Variants in COL6A1 observed in about 807,000 individuals in gnomAD.
COL6A1 encodes collagen type VI alpha 1 chain.
In COL6A1, 80 loss-of-function variants were observed where a neutral mutation model predicts 145.6. The ratio of observed to expected loss-of-function variants is 0.55; its 90% CI spans 0.46 to 0.66. The LOEUF (loss-of-function observed/expected upper bound fraction) is 0.66, where lower values mean the gene tolerates loss of function less well. Ranked by LOEUF, COL6A1 falls within the 30% of genes least tolerant of loss-of-function variation. COL6A1 has a pLI of 0.00. For missense variants in COL6A1, 1,364 were observed against 1,473.8 expected (o/e 0.93, Z 1.22); for synonymous variants, 638 against 622.8 (o/e 1.02, Z -0.36).
intron 13 of COL6A1, 92 bp from the exon 14 acceptor site, chr21:45,990,681 T>C (rs2077771572): frequency 1.2e-5 from 14 of 1,154,480 alleles, no homozygotes; most frequent in Non-Finnish European, 1.7e-5. Flanking sequence ...AGGGAGGGTG[T>C]GGAGGGCATG....
intron 8 of COL6A1, 133 bp from the exon 9 acceptor site, chr21:45,988,951 G>A (rs1015817502): frequency 3.9e-6 from 4 of 1,022,492 alleles, no homozygotes; most frequent in Middle Eastern, 2.3e-4. Context: ...CTGACCAGAT[G>A]TGATGGGGAA....
Position 45,998,016 on chromosome 21 carries a change from G to A in COL6A1, c.1525-105G>A. 3 of 1,435,270 alleles carry A rather than the reference G, an allele frequency of 2.1e-6. No homozygotes were observed. In the South Asian group the frequency reaches 3.6e-5, roughly 17 times the overall value. The allele number at this position is 1,435,270 out of a possible 1,614,324, so 88.9% of individuals were successfully genotyped here. A position where few individuals can be genotyped will look rare whatever the true frequency, so the allele number is the denominator to read the frequency against. ...CCCAGGGGAGGGAGCCGGCTTCTGGGCTGACGGAGGGGCCCTGCGGGTGAG... is the reference window on the plus strand; with the variant it reads ...CCCAGGGGAGGGAGCCGGCTTCTGGACTGACGGAGGGGCCCTGCGGGTGAG... On this transcript the variant is annotated intron_variant, in intron 22 of 34. Transcript: ENST00000361866.
chr21:45,987,712 G>T, intron 8 of COL6A1, 58 bp downstream of exon 8: 1 of 1,558,430 alleles, frequency 6.4e-7, no homozygotes. Context: ...GGGGGTGGCA[G>T]GACCAAAGCC....
intron 13 of COL6A1, 125 bp downstream of exon 13, chr21:45,990,547 AG>A: frequency 2.4e-6 from 1 of 423,772 alleles, no homozygotes; most frequent in Non-Finnish European, 3.9e-6. Context: ...GAAGGTGACC[AG>A]GGGAAGGACG....
Position 45,994,167 on chromosome 21 carries a change from G to A in COL6A1, c.1336G>A (p.Gly446Ser), listed in dbSNP as rs1414896348. The A allele has an allele frequency of 2.5e-6, 4 of 1,600,184 alleles. No homozygotes were observed. The Admixed American group carries it at 7.0e-5, about 28-fold the overall frequency. The stretch of plus-strand genomic sequence containing the variant: ...ACACTCACGGCTCGTTTCTCTTCAG[G>A]GTGAAGCTGGCCCGCAGGGTGATCA... ...PGTRGPRGDP[G>S]EAGPQGDQGR... is the part of the protein sequence containing the mutation. The change falls in exon 20 of 35, where the codon GGT (glycine) becomes AGT (serine). Residue 446 changes from glycine to serine, a missense_variant and splice_region_variant. Gly to Ser is a moderately conservative substitution (Grantham distance 56). Transcript: ENST00000361866. The surrounding 1 kb of genome is among the most constrained non-coding windows in gnomAD (Gnocchi z 6.8).
chr21:45,984,837 G>C (rs1192630565), intron 3 of COL6A1, among the ~76,000 whole-genome samples: 1 of 151,854 alleles, frequency 6.6e-6, no homozygotes, highest in Admixed American at 6.6e-5. Flanking sequence ...GAGACAGGCA[G>C]ACAGAGACAG....
Position 45,986,496 on chromosome 21 carries a change from C to T in COL6A1, c.429-30C>T, listed in dbSNP as rs190029634. On this transcript the variant is annotated intron_variant, in intron 3 of 34. Coordinates refer to ENST00000361866, the MANE Select transcript of COL6A1 (RefSeq NM_001848.3). ...TCCCTCCAGTTCCCCCACCTAGTCTCGAGGTCTCACGCTGCCCTCTCCTGT... is the reference window on the plus strand; with the variant it reads ...TCCCTCCAGTTCCCCCACCTAGTCTTGAGGTCTCACGCTGCCCTCTCCTGT... 1,659 of 1,550,740 alleles carry T rather than the reference C, an allele frequency of 1.1e-3. 15 individuals carry two copies. In the African/African-American group the frequency reaches 0.019, roughly 18 times the overall value.
chr21:45,986,855 A>G, intron 4 of COL6A1, 89 bp from the exon 5 acceptor site: 2 of 1,529,856 alleles, frequency 1.3e-6, no homozygotes, highest in Non-Finnish European at 1.7e-6. Flanking sequence ...GGAGCGCCCC[A>G]GCCCAGCCTC....
chr21:45,989,659 GC>G lies in COL6A1; in HGVS notation c.903+14del, dbSNP rs757968177. On this transcript the variant is annotated splice_region_variant and intron_variant, in intron 10 of 34. Transcript: ENST00000361866. ...TGGGTACCAGGGAATGAAGGTACGT[GC>G]CCCCCCTTTCCTGGCCCGAGCCCGG... 1.3e-5 allele frequency: 21 copies of G among 1,613,050 alleles called. No homozygotes were observed. The Admixed American group carries it at 1.5e-4, about 12-fold the overall frequency.
Position 46,004,853 on chromosome 21 carries a change from A to C in COL6A1, c.*840A>C, listed in dbSNP as rs1299577041. 1 of 196,498 alleles carries C rather than the reference A, an allele frequency of 5.1e-6. No homozygotes were observed. The highest frequency in any genetic ancestry group is 1.5e-4 in the East Asian group (1 of 6,560). The allele number at this position is 196,498 out of a possible 1,614,324, so 12.2% of individuals were successfully genotyped here. On this transcript the variant is annotated 3_prime_UTR_variant, in exon 35 of 35. Transcript: ENST00000361866. ...GCAGAGACTGGGGCCTGGACTGGAC[A>C]TGAGAGCCCCTTGGTGCCACAGAGG...
At chr21:45,997,237 GCCC>G (rs2077810408) in intron 20 of COL6A1, among the ~76,000 whole-genome samples, 181 bp from the exon 21 acceptor site, 1 of 65,676 alleles carries the variant, frequency 1.5e-5, no homozygotes, top group Non-Finnish European at 3.3e-5. Context: ...TTGTGCCCAG[GCCC>G]TTCGTGCAGG....
intron 3 of COL6A1, among the ~76,000 whole-genome samples, chr21:45,985,955 G>A (rs143188263): frequency 6.6e-6 from 1 of 152,330 alleles, no homozygotes; most frequent in African/African-American, 2.4e-5. Flanking sequence ...AGACAGACAC[G>A]ACTCCCCTAA....
At chr21:46,001,919 TG>T in intron 30 of COL6A1, 41 bp from the exon 31 acceptor site, 1 of 1,563,054 alleles carries the variant, frequency 6.4e-7, no homozygotes, top group East Asian at 2.3e-5. Context: ...TATGCGGACC[TG>T]GGGCAGCACT....
At chr21:46,002,495 C>T in intron 32 of COL6A1, 32 bp from the exon 33 acceptor site, 1 of 1,613,538 alleles carries the variant, frequency 6.2e-7, no homozygotes, top group Non-Finnish European at 8.5e-7. Flanking sequence ...GCAGAGCAGG[C>T]TGCGCCACAC....
rs756542307 is a variant in COL6A1 at position 45,997,776 on chromosome 21, A to C, written c.1524+14A>C. On this transcript the variant is annotated intron_variant, in intron 22 of 34. Coordinates refer to ENST00000361866, the MANE Select transcript of COL6A1 (RefSeq NM_001848.3). ...ATGGGTGAAAGGGTGAGTGTCCAACAGCTCGGGCCCTAGGGCGGAGGCCTG... is the reference window on the plus strand; with the variant it reads ...ATGGGTGAAAGGGTGAGTGTCCAACCGCTCGGGCCCTAGGGCGGAGGCCTG... The C allele has an allele frequency of 6.3e-7, 1 of 1,578,702 alleles. No individual in the cohort carries two copies. Among genetic ancestry groups the C allele is most frequent in the Non-Finnish European group, 8.6e-7 (1 of 1,162,408 alleles).
chr21:45,993,814 G>C (rs1048098118), intron 19 of COL6A1, among the ~76,000 whole-genome samples: 4 of 152,248 alleles, frequency 2.6e-5, no homozygotes, highest in African/African-American at 9.6e-5. Flanking sequence ...GAGCCCAGAG[G>C]AAGGGCCAGC....
At chr21:45,988,535 C>T (rs73159604) in intron 8 of COL6A1, among the ~76,000 whole-genome samples, 14,948 of 130,572 alleles carry the variant, frequency 0.11, 1,818 homozygotes, top group Non-Finnish European at 0.17. Flanking sequence ...TGGACTGTCC[C>T]GGGGGCGCTG....
intron 24 of COL6A1, 79 bp from the exon 25 acceptor site, chr21:45,998,818 A>G: frequency 7.6e-7 from 1 of 1,307,898 alleles, no homozygotes; most frequent in Non-Finnish European, 1.1e-6. Context: ...TCTTATCTTT[A>G]TTTTTTTCCT....
rs748909940 is a variant in COL6A1 at position 46,002,760 on chromosome 21, G to T, written c.2434+50G>T. 35 of 1,533,144 alleles carry T rather than the reference G, an allele frequency of 2.3e-5. 1 individual carries two copies. In the South Asian group the frequency reaches 3.7e-4, roughly 16 times the overall value. The allele number at this position is 1,533,144 out of a possible 1,614,324, so 95.0% of individuals were successfully genotyped here. ...TCCCAGATCTGCGTAGGTGCGCGCGGGGCCGCCCGGGCAGTCCCAGATCTG... is the reference window on the plus strand; with the variant it reads ...TCCCAGATCTGCGTAGGTGCGCGCGTGGCCGCCCGGGCAGTCCCAGATCTG... On this transcript the variant is annotated intron_variant, in intron 33 of 34. Coordinates refer to ENST00000361866, the MANE Select transcript of COL6A1 (RefSeq NM_001848.3).
Sources: allele counts gnomAD v4.1 joint callset (sites outside exome capture counted in the v4.1 genomes callset), GRCh38; gene constraint gnomAD v4.1.1; non-coding constraint Gnocchi (gnomAD v3.1); transcripts MANE v1.5; gene names NCBI Gene and HGNC (gene_info 2026-07-23, HGNC 2026-07-21).